MECR: variants seen among roughly 807,000 people sequenced by gnomAD.
The protein encoded by MECR is mitochondrial trans-2-enoyl-CoA reductase, also known as enoyl-[acyl-carrier-protein] reductase, mitochondrial.
Under a neutral mutation model 49.1 loss-of-function variants are expected in MECR, and 37 were observed. The ratio of observed to expected loss-of-function variants is 0.75; its 90% CI spans 0.58 to 0.99. The LOEUF is 0.99. Ranked by LOEUF, MECR falls within the 50% of genes least tolerant of loss-of-function variation. The pLI is 0.00. For synonymous variants in MECR, 198 were observed against 191.1 expected, an observed-to-expected ratio of 1.04 and a Z score of -0.30; for missense variants, 470 against 479.6, an observed-to-expected ratio of 0.98 and a Z score of 0.19.
At chr1:29,197,637 C>T (rs1674317399) in intron 7 of MECR, among the ~76,000 whole-genome samples, 1 of 152,212 alleles carries the variant, frequency 6.6e-6, no homozygotes, top group Non-Finnish European at 1.5e-5. Flanking sequence ...GAAGGAGCTG[C>T]TGTCCTAGGG....
At chr1:29,197,085 A>AAC (rs142684539) in intron 7 of MECR, among the ~76,000 whole-genome samples, 3 of 152,046 alleles carry the variant, frequency 2.0e-5, no homozygotes, top group East Asian at 3.9e-4. Flanking sequence ...ATGTATATTA[A>AAC]ACACACACAC....
In MECR at chr1:29,193,108, C is replaced by A; in HGVS notation, c.*914G>T. The stretch of plus-strand genomic sequence containing the variant: ...TACAGGTGCACAGCACCATACCTGG[C>A]TAATGTTTGTATTTTTTGTAGAGAT... On this transcript the variant is annotated 3_prime_UTR_variant, in exon 10 of 10. Transcript: ENST00000263702. The A allele has an allele frequency of 5.6e-6, 1 of 178,672 alleles. No homozygotes were observed. The allele number at this position is 178,672 out of a possible 1,614,324, so 11.1% of individuals were successfully genotyped here.
the MECR span, among the ~76,000 whole-genome samples, chr1:29,182,698 C>A: frequency 1.3e-5 from 2 of 152,182 alleles, no homozygotes; most frequent in South Asian, 4.1e-4. Context: ...CGCCCGCCCC[C>A]ACGCCCGGCT....
chr1:29,230,675 G>A (rs1306236723), intron 1 of MECR, 56 bp downstream of exon 1: 4 of 1,539,828 alleles, frequency 2.6e-6, no homozygotes, highest in Non-Finnish European at 3.5e-6. Context: ...CGCAGCTCGT[G>A]TTAAAGCCTT....
At chr1:29,182,166 G>T in the MECR span, among the ~76,000 whole-genome samples, 1 of 152,176 alleles carries the variant, frequency 6.6e-6, no homozygotes, top group Non-Finnish European at 1.5e-5. Flanking sequence ...AGAGCCCAGC[G>T]AGCGAGCGTT....
intron 4 of MECR, among the ~76,000 whole-genome samples, chr1:29,204,664 G>A (rs983907416): frequency 1.4e-4 from 21 of 152,282 alleles, no homozygotes; most frequent in African/African-American, 5.1e-4. Flanking sequence ...TCAGCCTTGA[G>A]GCAGGAAAGT....
the MECR span, chr1:29,173,466 CTTTTTTTTTTTTTTT>C: frequency 4.1e-5 from 3 of 73,070 alleles, no homozygotes; most frequent in African/African-American, 1.0e-4. Flanking sequence ...TTTTTTTTTT[CTTTTTTTTTTTTTTT>C]TTTGAGATGG....
At chr1:29,223,190 C>T (rs1395494616) in intron 1 of MECR, 2 of 985,256 alleles carry the variant, frequency 2.0e-6, no homozygotes, top group Non-Finnish European at 2.4e-6. Flanking sequence ...GAGGGGATGC[C>T]ACTGTCCTCA....
Position 29,196,238 on chromosome 1 carries a change from GT to G in MECR, c.850del (p.Thr284ProfsTer11). 6.2e-7 allele frequency: 1 copy of G among 1,613,526 alleles called. No individual in the cohort carries two copies. Among genetic ancestry groups the G allele is most frequent in the Non-Finnish European group, 8.5e-7 (1 of 1,179,584 alleles). On this transcript the variant is annotated frameshift_variant, in exon 8 of 10. Coordinates refer to ENST00000263702, the MANE Select transcript of MECR (RefSeq NM_016011.5). LOFTEE classifies it high-confidence loss of function. ...RQLARGGTMV[T>X]YGGMAKQPVV... is the part of the protein sequence containing the mutation. ...GGGCTGCTTGGCCATCCCCCCATAG[GT>G]TACCATGGTTCCTCCACGCCTGAAA... is the stretch of plus-strand genomic sequence containing the variant.
At position 29,192,979 on chromosome 1, in the gene MECR, C is replaced by G. The variant is rs1378963955; in HGVS notation, c.*1043G>C. 1 of 147,822 alleles carries G rather than the reference C, an allele frequency of 6.8e-6. No individual in the cohort carries two copies. Among genetic ancestry groups the G allele is most frequent in the Non-Finnish European group, 1.5e-5 (1 of 67,368 alleles). The allele number at this position is 147,822 out of a possible 1,614,324, so 9.2% of individuals were successfully genotyped here. A position where few individuals can be genotyped will look rare whatever the true frequency, so the allele number is the denominator to read the frequency against. ...TTTTTTTTTGATATAGGGTCTTGCT[C>G]TGTTGCCTAGGCTGGAATGCAGTGG... On this transcript the variant is annotated 3_prime_UTR_variant, in exon 10 of 10. Coordinates refer to ENST00000263702, the MANE Select transcript of MECR (RefSeq NM_016011.5).
chr1:29,212,869 A>G (rs1314260114), intron 3 of MECR, among the ~76,000 whole-genome samples: 2 of 151,940 alleles, frequency 1.3e-5, no homozygotes, highest in African/African-American at 4.8e-5. Context: ...TCCCACTCGC[A>G]CCCATGAGCC....
downstream of MECR, among the ~76,000 whole-genome samples, chr1:29,191,201 C>A (rs145895866): frequency 6.4e-3 from 975 of 152,328 alleles, 12 homozygotes; most frequent in Middle Eastern, 0.027. Context: ...TACAAACATT[C>A]CTGTATGCCT....
the MECR span, among the ~76,000 whole-genome samples, chr1:29,179,534 A>T: frequency 6.6e-6 from 1 of 152,018 alleles, no homozygotes; most frequent in Non-Finnish European, 1.5e-5. Flanking sequence ...TAATTAAAAA[A>T]ATTTTTTTCT....
intron 1 of MECR, 136 bp downstream of exon 1, chr1:29,230,595 G>T: frequency 8.8e-7 from 1 of 1,134,060 alleles, no homozygotes; most frequent in Non-Finnish European, 1.2e-6. Flanking sequence ...TACCAAAAAC[G>T]CCCTGGGCTT....
chr1:29,203,143 A>C lies in MECR; in HGVS notation c.641T>G (p.Val214Gly), dbSNP rs1053171715. ...AAALGLRTIN[V>G]VRDRPDIQKL... is the part of the protein sequence containing the mutation. ...CTTCCCCACGCACCTGTCTCGGACC[A>C]CATTGATGGTTCTTAGGCCCAGGGC... The change falls in exon 5 of 10, where the codon GTG becomes GGG. Residue 214 changes from valine (V) to glycine (G), a missense_variant. By Grantham distance (109) the Val-to-Gly change is moderately radical. Coordinates refer to ENST00000263702, the MANE Select transcript of MECR (RefSeq NM_016011.5). 2 of 1,577,514 alleles carry C rather than the reference A, an allele frequency of 1.3e-6. No individual in the cohort carries two copies. Among genetic ancestry groups the C allele is most frequent in the Non-Finnish European group, 1.7e-6 (2 of 1,158,104 alleles).
Position 29,230,711 on chromosome 1 carries a change from G to T in MECR, c.176+20C>A, listed in dbSNP as rs1195257121. The T allele has an allele frequency of 1.3e-5, 21 of 1,559,052 alleles. No individual in the cohort carries two copies. Among genetic ancestry groups the T allele is most frequent in the Non-Finnish European group, 1.7e-5 (19 of 1,151,004 alleles). Reference sequence around the variant, plus strand: ...CCAGAAACCCCAGTCCCCTTCCCCGGCTTCGGCGCCGTCTCTTACTCGACG... The same window carrying T: ...CCAGAAACCCCAGTCCCCTTCCCCGTCTTCGGCGCCGTCTCTTACTCGACG... On this transcript the variant is annotated intron_variant, in intron 1 of 9. Coordinates refer to ENST00000263702, the MANE Select transcript of MECR (RefSeq NM_016011.5).
chr1:29,173,325 T>TA, the MECR span: 11 of 151,482 alleles, frequency 7.3e-5, no homozygotes, highest in African/African-American at 2.7e-4. Flanking sequence ...ATTTTTTTTT[T>TA]AGTAGAGATA....
the MECR span, chr1:29,169,549 C>A: frequency 6.6e-6 from 1 of 152,034 alleles, no homozygotes; most frequent in Non-Finnish European, 1.5e-5. Flanking sequence ...AACCCATATG[C>A]CATCAAAATT....
chr1:29,173,129 GCTTT>G, the MECR span: 5 of 129,026 alleles, frequency 3.9e-5, no homozygotes, highest in Non-Finnish European at 6.4e-5. Context: ...AGTCAAAAAG[GCTTT>G]TTTTTTTTTT....
Sources: allele counts gnomAD v4.1 joint callset (sites outside exome capture counted in the v4.1 genomes callset), GRCh38; gene constraint gnomAD v4.1.1; transcripts MANE v1.5; gene names NCBI Gene and HGNC (gene_info 2026-07-23, HGNC 2026-07-21).